The following LRRC27 variants were observed in gnomAD, a reference collection of about 807,000 sequenced individuals.
The protein encoded by LRRC27 is leucine rich repeat containing 27, also known as leucine-rich repeat-containing protein 27.
Under a neutral mutation model 55.0 loss-of-function variants are expected in LRRC27, and 57 were observed. The observed-to-expected ratio is 1.04, with a 90% confidence interval of 0.84 to 1.29. The LOEUF (loss-of-function observed/expected upper bound fraction) is 1.29. Ranked by LOEUF, LRRC27 falls within the 50% of genes most tolerant of loss-of-function variation. The pLI, the probability that LRRC27 is intolerant of heterozygous loss-of-function variation, is 0.00. For synonymous variants in LRRC27, 278 were observed against 251.9 expected, an observed-to-expected ratio of 1.10 and a Z score of -0.98; for missense variants, 721 against 651.5, an observed-to-expected ratio of 1.11 and a Z score of -1.16.
rs1564835594 is a variant in LRRC27, at chr10:132,348,573, T to C, written c.926+217T>C. Among the ~76,000 whole-genome samples, 1 of 152,152 alleles carries C rather than the reference T, an allele frequency of 6.6e-6. No homozygotes were observed. Among genetic ancestry groups the C allele is most frequent in the African/African-American group, 2.4e-5 (1 of 41,418 alleles). On this transcript the variant is annotated intron_variant, in intron 6 of 10. Coordinates refer to ENST00000368614, the MANE Select transcript of LRRC27 (RefSeq NM_030626.3). This position sits in a 1 kb window ranked among gnomAD's most constrained non-coding sequence, Gnocchi z 4.2. ...AGCTCAGTCCATTCAGAGGCTGAGT[T>C]TGCCAAGGTTGAGGATACGCCCGGG... is the stretch of plus-strand genomic sequence containing the variant.
At chr10:132,365,147 G>T (rs1411513364) in intron 9 of LRRC27, among the ~76,000 whole-genome samples, 1 of 152,242 alleles carries the variant, frequency 6.6e-6, no homozygotes, top group Non-Finnish European at 1.5e-5. Flanking sequence ...TCAATTTGAG[G>T]TTTTTAAATA....
chr10:132,335,638 A>C (rs1186488358), intron 2 of LRRC27, among the ~76,000 whole-genome samples: 1 of 151,828 alleles, frequency 6.6e-6, no homozygotes, highest in African/African-American at 2.4e-5. Flanking sequence ...TGTACGGTGC[A>C]GGTTCCTCCC....
At chr10:132,344,476 G>GA (rs1554892751) in intron 4 of LRRC27, 22 bp from the exon 5 acceptor site, 3 of 1,570,542 alleles carry the variant, frequency 1.9e-6, no homozygotes, top group African/African-American at 2.7e-5. Flanking sequence ...AATGCTGACA[G>GA]TTTTTTTTTC....
chr10:132,373,587 A>T (rs1279318229), intron 10 of LRRC27, among the ~76,000 whole-genome samples: 1 of 152,152 alleles, frequency 6.6e-6, no homozygotes, highest in East Asian at 1.9e-4. Flanking sequence ...ACACAATAAG[A>T]CGTTTTCAGA....
chr10:132,376,380 G>A lies in LRRC27; in HGVS notation c.*1138G>A, dbSNP rs1366503795. 1 of 152,252 alleles carries A rather than the reference G, an allele frequency of 6.6e-6. No individual in the cohort carries two copies. The highest frequency in any genetic ancestry group is 1.5e-5 in the Non-Finnish European group (1 of 68,048). The allele number at this position is 152,252 out of a possible 1,614,324, so 9.4% of individuals were successfully genotyped here. On this transcript the variant is annotated 3_prime_UTR_variant, in exon 11 of 11. Coordinates refer to ENST00000368614, the MANE Select transcript of LRRC27 (RefSeq NM_030626.3). ...CAAACCCATGTATTAGAGAAGAAGG[G>A]CGTGAAATTTATCACCTAAGCTTTC...
At chr10:132,342,939 A>G (rs1044655914) in intron 4 of LRRC27, among the ~76,000 whole-genome samples, 5 of 152,234 alleles carry the variant, frequency 3.3e-5, no homozygotes, top group African/African-American at 1.2e-4. Context: ...ATGTATACAT[A>G]AAAGTACAAA....
chr10:132,351,503 T>G lies in LRRC27; in HGVS notation c.927-104T>G, dbSNP rs2068007564. On this transcript the variant is annotated intron_variant, in intron 6 of 10. Transcript: ENST00000368614. ...CTTCTAGTCGTGCTAATTGTTCAGA[T>G]GAGCGGATGATCCACAGGCCCTCCT... 17 of 1,284,850 alleles carry G rather than the reference T, an allele frequency of 1.3e-5. 1 individual carries two copies. In the South Asian group the frequency reaches 2.2e-4, roughly 16 times the overall value. 79.6% of individuals were successfully genotyped at this position (1,284,850 alleles called of 1,614,324 possible).
chr10:132,368,783 C>T (rs796434183), intron 10 of LRRC27, among the ~76,000 whole-genome samples: 11 of 152,286 alleles, frequency 7.2e-5, no homozygotes, highest in African/African-American at 2.6e-4. Flanking sequence ...AGATCCATGA[C>T]AGAAATAATT....
intron 6 of LRRC27, chr10:132,351,345 C>T: frequency 2.4e-6 from 1 of 411,886 alleles, no homozygotes; most frequent in Non-Finnish European, 4.5e-6. Context: ...ATTTCCCAAG[C>T]CGACTGTCAA....
rs774605504 is a variant in LRRC27 at position 132,348,096 on chromosome 10, G to T, written c.666G>T (p.Gly222=). Residue 222 remains glycine (G), a synonymous_variant, in exon 6 of 11, where the codon GGG becomes GGT. Transcript: ENST00000368614. This position sits in a 1 kb window ranked among gnomAD's most constrained non-coding sequence, Gnocchi z 4.2. Reference sequence around the variant, plus strand: ...CTGTGAACGCTCAGGACCCAGAGGGGGCTGTGATGAAAGAGAAGGCCAGCT... The same window carrying T: ...CTGTGAACGCTCAGGACCCAGAGGGTGCTGTGATGAAAGAGAAGGCCAGCT... The part of the protein sequence containing the change: ...QGAVNAQDPE[G]AVMKEKASFL... 3.1e-6 allele frequency: 5 copies of T among 1,614,108 alleles called. No homozygotes were observed. Among genetic ancestry groups the T allele is most frequent in the Middle Eastern group, 1.7e-4 (1 of 6,058 alleles).
chr10:132,340,730 C>G (rs950132564), intron 3 of LRRC27, among the ~76,000 whole-genome samples: 3 of 151,730 alleles, frequency 2.0e-5, no homozygotes, highest in African/African-American at 7.3e-5. Context: ...CTTTGAATGG[C>G]CGAGGTGGGC....
chr10:132,352,762 C>T, intron 7 of LRRC27: 2 of 1,100,016 alleles, frequency 1.8e-6, no homozygotes, highest in Admixed American at 2.0e-5. Context: ...CGAGGCCTCC[C>T]TGTGGGACAG....
In LRRC27 at chr10:132,377,903, C is replaced by T. The variant is rs1200262725; in HGVS notation, c.*2661C>T. On this transcript the variant is annotated 3_prime_UTR_variant, in exon 11 of 11. Transcript: ENST00000368614. ...TTTGTTAAAAATTCAGTGTTCAGGC[C>T]GGGTGCTGTGGCTCACGCCTGTAAT... 1.3e-5 allele frequency: 2 copies of T among 152,172 alleles called. No homozygotes were observed. The highest frequency in any genetic ancestry group is 2.4e-5 in the African/African-American group (1 of 41,420). 9.4% of individuals were successfully genotyped at this position (152,172 alleles called of 1,614,324 possible).
chr10:132,358,695 G>A (rs1257810635), intron 8 of LRRC27, among the ~76,000 whole-genome samples: 5 of 81,678 alleles, frequency 6.1e-5, no homozygotes, highest in African/African-American at 2.2e-4. Flanking sequence ...GAGGAGCCGA[G>A]GTGGTAGAGC....
chr10:132,331,869 G>T (rs775458695), upstream of LRRC27: 4 of 1,298,692 alleles, frequency 3.1e-6, no homozygotes, highest in African/African-American at 3.0e-5. Flanking sequence ...GGCCGCGTGC[G>T]TGCGCAGGCG....
At chr10:132,337,315 C>T (rs2067183463) in intron 2 of LRRC27, 1 of 1,303,530 alleles carries the variant, frequency 7.7e-7, no homozygotes, top group African/African-American at 1.5e-5. Flanking sequence ...GGGTCAGCAG[C>T]AGAGTGCCGG....
chr10:132,363,029 G>C (rs1313791842), intron 9 of LRRC27, among the ~76,000 whole-genome samples: 1 of 114,624 alleles, frequency 8.7e-6, no homozygotes, highest in East Asian at 2.2e-4. Context: ...TCACCTCACA[G>C]CAGCTCAGGA....
At chr10:132,363,137 C>G (rs1183061173) in intron 9 of LRRC27, among the ~76,000 whole-genome samples, 1 of 123,266 alleles carries the variant, frequency 8.1e-6, no homozygotes, top group East Asian at 2.1e-4. Context: ...TCACCCTTCT[C>G]ACCTCACACC....
chr10:132,352,822 C>T, intron 7 of LRRC27: 1 of 1,585,470 alleles, frequency 6.3e-7, no homozygotes, highest in Non-Finnish European at 8.6e-7. Context: ...TTTGCCCTGG[C>T]TTCCTCACGA....
Sources: gnomAD v4.1 joint callset for allele counts (sites outside exome capture counted in the v4.1 genomes callset) on GRCh38, gnomAD v4.1.1 for gene constraint, Gnocchi (gnomAD v3.1) non-coding constraint, MANE v1.5 for transcripts, NCBI Gene and HGNC (gene_info 2026-07-23, HGNC 2026-07-21) for gene names.